The following TCERG1L variants were observed in gnomAD, a reference collection of about 807,000 sequenced individuals.
TCERG1L encodes transcription elongation regulator 1-like protein.
TCERG1L carries 37 observed loss-of-function variants against 56.3 expected under a neutral mutation model. The observed-to-expected ratio is 0.66, with a 90% CI of 0.51 to 0.87. The LOEUF (loss-of-function observed/expected upper bound fraction) is 0.87, where lower values mean the gene tolerates loss of function less well. Among genes scored for constraint, TCERG1L ranks in the 40% least tolerant of loss-of-function variants. The pLI, the probability that TCERG1L is intolerant of heterozygous loss-of-function variation, is 0.00. For synonymous variants in TCERG1L, 324 were observed against 326.3 expected (o/e 0.99, Z 0.08); for missense variants, 799 against 774.2 (o/e 1.03, Z -0.38).
At chr10:131,289,250 A>G (rs1045008521) in intron 3 of TCERG1L, among the ~76,000 whole-genome samples, 1 of 152,208 alleles carries the variant, frequency 6.6e-6, no homozygotes, top group East Asian at 1.9e-4. Context: ...GTGACGGAGA[A>G]GAGTCTAACA....
chr10:131,287,229 T>C (rs562103915), intron 3 of TCERG1L, among the ~76,000 whole-genome samples: 1 of 152,304 alleles, frequency 6.6e-6, no homozygotes, highest in Non-Finnish European at 1.5e-5. Flanking sequence ...ATCTCACATT[T>C]AGATGCTAAA....
intron 11 of TCERG1L, chr10:131,095,853 G>A (rs959418153): frequency 1.3e-5 from 2 of 152,158 alleles, no homozygotes; most frequent in Non-Finnish European, 2.9e-5. Context: ...TTCCTTCTGT[G>A]TGCGTGTATG....
chr10:131,126,154 C>T (rs1374532636), intron 8 of TCERG1L, among the ~76,000 whole-genome samples: 1 of 152,252 alleles, frequency 6.6e-6, no homozygotes, highest in African/African-American at 2.4e-5. Flanking sequence ...CAAACCAATT[C>T]CTGGCTCTGC....
intron 4 of TCERG1L, among the ~76,000 whole-genome samples, chr10:131,222,249 C>A (rs1845741826): frequency 6.6e-6 from 1 of 152,236 alleles, no homozygotes; most frequent in Non-Finnish European, 1.5e-5. Flanking sequence ...CATACTCAGG[C>A]ATCCTGAGTG....
chr10:131,199,852 G>T (rs1267954627), intron 4 of TCERG1L, among the ~76,000 whole-genome samples: 1 of 152,108 alleles, frequency 6.6e-6, no homozygotes, highest in East Asian at 1.9e-4. Flanking sequence ...GTTCTCTTTC[G>T]CCTTTAAACA....
At chr10:131,116,416 C>T (rs1564794736) in intron 9 of TCERG1L, among the ~76,000 whole-genome samples, 1 of 152,130 alleles carries the variant, frequency 6.6e-6, no homozygotes, top group South Asian at 2.1e-4. Flanking sequence ...ACCCAGGACC[C>T]GGCCTCCCGG....
At chr10:131,211,170 G>T (rs1255720553) in intron 4 of TCERG1L, among the ~76,000 whole-genome samples, 1 of 152,218 alleles carries the variant, frequency 6.6e-6, no homozygotes, top group Non-Finnish European at 1.5e-5. Context: ...GGGCCGTATG[G>T]CTCGGCCCTC....
intron 4 of TCERG1L, among the ~76,000 whole-genome samples, chr10:131,225,558 A>C (rs1190983345): frequency 6.6e-6 from 1 of 152,144 alleles, no homozygotes; most frequent in East Asian, 1.9e-4. Flanking sequence ...ATTTCGATTG[A>C]TTTCAAGACC....
intron 4 of TCERG1L, among the ~76,000 whole-genome samples, chr10:131,239,110 C>T (rs945259412): frequency 6.6e-6 from 1 of 152,230 alleles, no homozygotes; most frequent in African/African-American, 2.4e-5. Flanking sequence ...GAAGCCCAGC[C>T]AGCTGGGTGT....
intron 8 of TCERG1L, among the ~76,000 whole-genome samples, chr10:131,124,585 C>T (rs906099799): frequency 1.1e-4 from 16 of 152,198 alleles, no homozygotes; most frequent in East Asian, 1.9e-4. Flanking sequence ...TTCAGCTCTA[C>T]GCCATGCAGG....
At chr10:131,285,302 T>G (rs1454088700) in intron 3 of TCERG1L, among the ~76,000 whole-genome samples, 1 of 149,996 alleles carries the variant, frequency 6.7e-6, no homozygotes, top group Non-Finnish European at 1.5e-5. Flanking sequence ...CACTTGAACC[T>G]GGGAGGTGGA....
intron 3 of TCERG1L, among the ~76,000 whole-genome samples, chr10:131,293,051 A>G (rs1338498805): frequency 1.3e-5 from 2 of 152,050 alleles, no homozygotes; most frequent in African/African-American, 2.4e-5. Context: ...GCGTTTCGCC[A>G]TGTTGGCCAG....
chr10:131,290,626 C>T (rs1846604157), intron 3 of TCERG1L, among the ~76,000 whole-genome samples: 1 of 102,416 alleles, frequency 9.8e-6, no homozygotes, highest in South Asian at 4.6e-4. Flanking sequence ...AGTGAAACCC[C>T]ATCTCAAAAA....
At chr10:131,128,716 C>T (rs1259845146) in intron 8 of TCERG1L, among the ~76,000 whole-genome samples, 5 of 152,136 alleles carry the variant, frequency 3.3e-5, no homozygotes, top group Non-Finnish European at 5.9e-5. Context: ...AGTAGGCAAG[C>T]TAGTAAATGT....
chr10:131,178,069 A>AG (rs1466928763), intron 4 of TCERG1L, among the ~76,000 whole-genome samples: 1 of 151,812 alleles, frequency 6.6e-6, no homozygotes, highest in Non-Finnish European at 1.5e-5. Flanking sequence ...CTTTCTCAGG[A>AG]GTGGGGGGAG....
chr10:131,311,041 C>A lies in TCERG1L; in HGVS notation c.342+253G>T, dbSNP rs1846886117. On this transcript the variant is annotated intron_variant, in intron 1 of 11. Transcript: ENST00000368642. The surrounding 1 kb of genome is among the most constrained non-coding windows in gnomAD (Gnocchi z 4.0). ...CCTGCGGTCCCCACGCGGGCCTGGG[C>A]GGCGGGTCCCTCCACGGCTCCGTCC... Among the ~76,000 whole-genome samples, 1 of 152,204 alleles carries A rather than the reference C, an allele frequency of 6.6e-6. No individual in the cohort carries two copies. Among genetic ancestry groups the A allele is most frequent in the Admixed American group, 6.5e-5 (1 of 15,290 alleles).
rs1032169405 is a variant in TCERG1L at position 131,311,313 on chromosome 10, A to G, written c.323T>C (p.Phe108Ser). 93 of 1,206,520 alleles carry G rather than the reference A, an allele frequency of 7.7e-5. No individual in the cohort carries two copies. The highest frequency in any genetic ancestry group is 3.3e-4 in the Middle Eastern group (1 of 3,062). The allele number at this position is 1,206,520 out of a possible 1,614,324, so 74.7% of individuals were successfully genotyped here. A position where few individuals can be genotyped will look rare whatever the true frequency, so the allele number is the denominator to read the frequency against. The change falls in exon 1 of 12, where the codon TTC (phenylalanine) becomes TCC (serine). Residue 108 changes from phenylalanine to serine, a missense_variant. Transcript: ENST00000368642. The surrounding 1 kb of genome is among the most constrained non-coding windows in gnomAD (Gnocchi z 4.0). ...CGTTACCTGCCCGTGGAGCGCGGGG[A>G]AGGGGTGCGCGGCGGCGGCGGCGGC... ...DSAAAAAAHP[F>S]PALHGQWLFG...
intron 4 of TCERG1L, among the ~76,000 whole-genome samples, chr10:131,173,655 TCAGGGGTTAAAA>T (rs1191302522): frequency 6.6e-6 from 1 of 152,204 alleles, no homozygotes; most frequent in Non-Finnish European, 1.5e-5. Flanking sequence ...GACATAGATT[TCAGGGGTTAAAA>T]ACAAGAGAAG....
intron 9 of TCERG1L, among the ~76,000 whole-genome samples, chr10:131,115,503 C>T (rs1280589192): frequency 6.6e-6 from 1 of 152,260 alleles, no homozygotes. Context: ...CGCGCCAGGG[C>T]CGGATCCACA....
Sources: gnomAD v4.1 joint callset for allele counts (sites outside exome capture counted in the v4.1 genomes callset) on GRCh38, gnomAD v4.1.1 for gene constraint, Gnocchi (gnomAD v3.1) non-coding constraint, MANE v1.5 for transcripts, NCBI Gene and HGNC (gene_info 2026-07-23, HGNC 2026-07-21) for gene names.